The following HOXC9 variants were observed in gnomAD, a reference collection of about 807,000 sequenced individuals.
The protein encoded by HOXC9 is homeobox protein Hox-C9.
A neutral mutation model predicts 20.0 loss-of-function variants in HOXC9; 10 were observed. The ratio of observed to expected loss-of-function variants is 0.50; its 90% CI spans 0.31 to 0.85. The LOEUF (loss-of-function observed/expected upper bound fraction) is 0.85, where lower values mean the gene tolerates loss of function less well. Among genes scored for constraint, HOXC9 ranks in the 40% least tolerant of loss-of-function variants. The probability of loss-of-function intolerance (pLI) is 0.05; values close to 1 mark genes in which losing one functional copy is unlikely to be tolerated. For synonymous variants in HOXC9, 200 were observed against 163.7 expected, an observed-to-expected ratio of 1.22 and a Z score of -1.69; for missense variants, 394 against 376.7, an observed-to-expected ratio of 1.05 and a Z score of -0.38.
Position 54,000,633 on chromosome 12 carries a change from C to G in HOXC9, c.445C>G (p.Leu149Val), listed in dbSNP as rs1180700990. The change falls in exon 1 of 2, where the codon CTG (leucine) becomes GTG (valine). Residue 149 changes from leucine (L) to valine (V), a missense_variant. By Grantham distance (32) the Leu-to-Val change is conservative (BLOSUM62 1). Transcript: ENST00000303450. ...PDYMYGSPGE[L>V]RDRAPQTLPS... ...CTACATGTACGGCTCGCCCGGGGAG[C>G]TGCGCGACCGCGCCCCGCAGACACT... 1 of 1,541,110 alleles carries G rather than the reference C, an allele frequency of 6.5e-7. No homozygotes were observed. The highest frequency in any genetic ancestry group is 1.2e-5 in the South Asian group (1 of 84,638).
At position 54,000,411 on chromosome 12, in the gene HOXC9, G is replaced by A. The variant is rs1202528722; in HGVS notation, c.223G>A (p.Val75Met). ...GGCGCCCGTGCCCTCTCAGTCGTCC[G>A]TGGTATATCACCCGTACGGCCCCCA... Reference protein sequence around the residue: ...SWAPVPSQSSVVYHPYGPQPH... With the variant: ...SWAPVPSQSSMVYHPYGPQPH... The change falls in exon 1 of 2, where the codon GTG becomes ATG. Residue 75 changes from valine (V) to methionine (M), a missense_variant. Coordinates refer to ENST00000303450, the MANE Select transcript of HOXC9 (RefSeq NM_006897.3). 5 of 1,611,878 alleles carry A rather than the reference G, an allele frequency of 3.1e-6. No homozygotes were observed. Among genetic ancestry groups the A allele is most frequent in the Admixed American group, 1.7e-5 (1 of 60,028 alleles).
At chr12:54,000,800 C>T in intron 1 of HOXC9, 74 bp downstream of exon 1, 2 of 1,332,514 alleles carry the variant, frequency 1.5e-6, no homozygotes, top group Non-Finnish European at 2.0e-6. Context: ...AGCCGAATTA[C>T]AGCCCTCCCG....
chr12:54,002,775 A>C lies in HOXC9; in HGVS notation c.*101A>C, dbSNP rs892073945. On this transcript the variant is annotated 3_prime_UTR_variant, in exon 2 of 2. Transcript: ENST00000303450. The stretch of plus-strand genomic sequence containing the variant: ...GGAGAGACGAAAAAGAAAAGGAAAG[A>C]GCAAGATAGACAAAAGCCAATCAGC... 3 of 1,356,188 alleles carry C rather than the reference A, an allele frequency of 2.2e-6. No homozygotes were observed. The African/African-American group carries it at 4.4e-5, about 20-fold the overall frequency. 84.0% of individuals were successfully genotyped at this position (1,356,188 alleles called of 1,614,324 possible).
rs1298707490 is a variant in HOXC9, at chr12:54,000,459, C to G, written c.271C>G (p.Arg91Gly). The G allele has an allele frequency of 3.7e-6, 6 of 1,603,782 alleles. No individual in the cohort carries two copies. Among genetic ancestry groups the G allele is most frequent in the Non-Finnish European group, 5.1e-6 (6 of 1,179,754 alleles). The change falls in exon 1 of 2, where the codon CGC (arginine) becomes GGC (glycine). Residue 91 changes from arginine to glycine, a missense_variant. Physicochemically the swap from Arg to Gly is moderately radical, Grantham distance 125 (BLOSUM62 -2). Coordinates refer to ENST00000303450, the MANE Select transcript of HOXC9 (RefSeq NM_006897.3). ...CCAGCCCCACCTCGGCGCCGACACG[C>G]GCTACATGCGGACTTGGCTCGAGCC... The part of the protein sequence containing the change: ...GPQPHLGADT[R>G]YMRTWLEPLS...
chr12:54,001,949 G>T (rs1939754770), intron 1 of HOXC9, among the ~76,000 whole-genome samples: 1 of 152,110 alleles, frequency 6.6e-6, no homozygotes, highest in African/African-American at 2.4e-5. Flanking sequence ...GCTGCAGAGG[G>T]TGGTGAGGGG....
chr12:54,002,218 TAC>T (rs540447264), intron 1 of HOXC9, among the ~76,000 whole-genome samples: 3 of 152,152 alleles, frequency 2.0e-5, no homozygotes, highest in Non-Finnish European at 4.4e-5. Context: ...TTGGATTTCC[TAC>T]AGTTTTAGGT....
Position 54,002,722 on chromosome 12 carries a change from C to T in HOXC9, c.*48C>T. The T allele has an allele frequency of 6.4e-7, 1 of 1,561,170 alleles. No homozygotes were observed. The highest frequency in any genetic ancestry group is 8.7e-7 in the Non-Finnish European group (1 of 1,153,670). On this transcript the variant is annotated 3_prime_UTR_variant, in exon 2 of 2. Coordinates refer to ENST00000303450, the MANE Select transcript of HOXC9 (RefSeq NM_006897.3). ...AGCACAGCCAAGGGAAAAACAAAAA[C>T]CCCACAAAATACCCCAACACAGGCG...
At position 54,002,473 on chromosome 12, in the gene HOXC9, GAAGCGCTGCCC is replaced by G; in HGVS notation, c.583_593del (p.Lys195LeufsTer26). 26 of 1,614,180 alleles carry G rather than the reference GAAGCGCTGCCC, an allele frequency of 1.6e-5. No homozygotes were observed. Among genetic ancestry groups the G allele is most frequent in the Non-Finnish European group, 2.0e-5 (24 of 1,180,020 alleles). ...GGATTCACGCCCGCTCCACGAGGAA[GAAGCGCTGCCC>G]CTACACCAAGTACCAGACGCTGGAA... On this transcript the variant is annotated frameshift_variant, in exon 2 of 2. Transcript: ENST00000303450. LOFTEE classifies it high-confidence loss of function.
intron 1 of HOXC9, among the ~76,000 whole-genome samples, chr12:54,001,366 G>A (rs1939740064): frequency 6.6e-6 from 1 of 152,022 alleles, no homozygotes. Context: ...GGGTCTTGGA[G>A]GGGAAGGATT....
intron 1 of HOXC9, 31 bp downstream of exon 1, chr12:54,000,757 G>A (rs757700561): frequency 1.4e-6 from 2 of 1,468,298 alleles, no homozygotes; most frequent in East Asian, 5.2e-5. Context: ...CTTTACAACC[G>A]GCGCGGGAGG....
chr12:54,000,743 T>G lies in HOXC9; in HGVS notation c.538+17T>G. 1.3e-6 allele frequency: 2 copies of G among 1,501,096 alleles called. No homozygotes were observed. The highest frequency in any genetic ancestry group is 1.8e-6 in the Non-Finnish European group (2 of 1,132,600). 93.0% of individuals were successfully genotyped at this position (1,501,096 alleles called of 1,614,324 possible). A position where few individuals can be genotyped will look rare whatever the true frequency, so the allele number is the denominator to read the frequency against. On this transcript the variant is annotated intron_variant, in intron 1 of 1. Transcript: ENST00000303450. ...TGGACCCCAGTAAGTTGGGAGCAATTTTCCTTTACAACCGGCGCGGGAGGG... is the reference window on the plus strand; with the variant it reads ...TGGACCCCAGTAAGTTGGGAGCAATGTTCCTTTACAACCGGCGCGGGAGGG...
Position 54,002,354 on chromosome 12 carries a change from A to G in HOXC9, c.539-76A>G, listed in dbSNP as rs117802552. On this transcript the variant is annotated intron_variant, in intron 1 of 1. Coordinates refer to ENST00000303450, the MANE Select transcript of HOXC9 (RefSeq NM_006897.3). Reference sequence around the variant, plus strand: ...TTATTGCATTTGGGGAGCCTGGCTAAGTCTAGGGGTAGAGTAGCAGAAGTC... The same window carrying G: ...TTATTGCATTTGGGGAGCCTGGCTAGGTCTAGGGGTAGAGTAGCAGAAGTC... 12,884 of 1,509,978 alleles carry G rather than the reference A, an allele frequency of 8.5e-3. 70 individuals are homozygous for G. The highest frequency in any genetic ancestry group is 0.01 in the Non-Finnish European group (11,458 of 1,123,454). 93.5% of individuals were successfully genotyped at this position (1,509,978 alleles called of 1,614,324 possible). A position where few individuals can be genotyped will look rare whatever the true frequency, so the allele number is the denominator to read the frequency against.
In HOXC9 at chr12:54,002,437, C is replaced by G. The variant is rs761856848; in HGVS notation, c.546C>G (p.Pro182=). The change falls in exon 2 of 2, where the codon CCC becomes CCG. Residue 182 remains proline (P), a synonymous_variant. Coordinates refer to ENST00000303450, the MANE Select transcript of HOXC9 (RefSeq NM_006897.3). ...EEKADLDPSN[P]VANWIHARST... ...TTGTGTTTGGCCCTCCAGGCAACCC[C>G]GTGGCCAACTGGATTCACGCCCGCT... is the stretch of plus-strand genomic sequence containing the variant. The G allele has an allele frequency of 1.2e-6, 2 of 1,613,562 alleles. No individual in the cohort carries two copies. The highest frequency in any genetic ancestry group is 2.2e-5 in the South Asian group (2 of 91,034).
At chr12:54,002,014 G>T (rs1017692192) in intron 1 of HOXC9, among the ~76,000 whole-genome samples, 1 of 151,970 alleles carries the variant, frequency 6.6e-6, no homozygotes, top group African/African-American at 2.4e-5. Flanking sequence ...GGACTTGGTC[G>T]TGGGCTGGGA....
chr12:54,002,681 C>G lies in HOXC9; in HGVS notation c.*7C>G. ...CGACAAGGAGCAGTCCTAAACCCTA[C>G]CCAGCCTGCTGCCTCAGCACAGCCA... On this transcript the variant is annotated 3_prime_UTR_variant, in exon 2 of 2. Transcript: ENST00000303450. The G allele has an allele frequency of 1.2e-6, 2 of 1,604,198 alleles. No individual in the cohort carries two copies. The highest frequency in any genetic ancestry group is 1.7e-6 in the Non-Finnish European group (2 of 1,172,836).
At chr12:54,001,452 ACACT>A (rs943143552) in intron 1 of HOXC9, among the ~76,000 whole-genome samples, 23 of 150,594 alleles carry the variant, frequency 1.5e-4, no homozygotes, top group East Asian at 3.9e-4. Flanking sequence ...ACACACACAC[ACACT>A]CACTCTCACT....
At position 54,002,708 on chromosome 12, in the gene HOXC9, G is replaced by A. The variant is rs1939774304; in HGVS notation, c.*34G>A. The A allele has an allele frequency of 1.3e-6, 2 of 1,571,960 alleles. No individual in the cohort carries two copies. Among genetic ancestry groups the A allele is most frequent in the Non-Finnish European group, 1.7e-6 (2 of 1,158,866 alleles). ...CAGCCTGCTGCCTCAGCACAGCCAA[G>A]GGAAAAACAAAAACCCCACAAAATA... is the stretch of plus-strand genomic sequence containing the variant. On this transcript the variant is annotated 3_prime_UTR_variant, in exon 2 of 2. Coordinates refer to ENST00000303450, the MANE Select transcript of HOXC9 (RefSeq NM_006897.3).
Position 54,000,649 on chromosome 12 carries a change from C to T in HOXC9, c.461C>T (p.Pro154Leu). Residue 154 changes from proline to leucine, a missense_variant, in exon 1 of 2, where the codon CCG (proline) becomes CTG (leucine). By Grantham distance (98) the Pro-to-Leu change is moderately conservative (BLOSUM62 -3). Coordinates refer to ENST00000303450, the MANE Select transcript of HOXC9 (RefSeq NM_006897.3). ...GSPGELRDRA[P>L]QTLPSPEADA... is the part of the protein sequence containing the mutation. ...CCCGGGGAGCTGCGCGACCGCGCCCCGCAGACACTGCCCTCGCCCGAGGCG... is the reference window on the plus strand; with the variant it reads ...CCCGGGGAGCTGCGCGACCGCGCCCTGCAGACACTGCCCTCGCCCGAGGCG... 1.9e-6 allele frequency: 3 copies of T among 1,555,086 alleles called. No individual in the cohort carries two copies. Among genetic ancestry groups the T allele is most frequent in the Non-Finnish European group, 2.6e-6 (3 of 1,156,368 alleles).
Position 54,000,677 on chromosome 12 carries a change from C to T in HOXC9, c.489C>T (p.Asp163=). The T allele has an allele frequency of 1.9e-6, 3 of 1,562,142 alleles. No individual in the cohort carries two copies. Among genetic ancestry groups the T allele is most frequent in the South Asian group, 1.2e-5 (1 of 85,670 alleles). ...AGACACTGCCCTCGCCCGAGGCGGA[C>T]GCGCTCGCCGGCAGCAAGCACAAAG... ...APQTLPSPEA[D]ALAGSKHKEE... The change falls in exon 1 of 2, where the codon GAC becomes GAT. Residue 163 remains aspartate, a synonymous_variant. Transcript: ENST00000303450.
Sources: allele counts gnomAD v4.1 joint callset (sites outside exome capture counted in the v4.1 genomes callset), GRCh38; gene constraint gnomAD v4.1.1; transcripts MANE v1.5; gene names NCBI Gene and HGNC (gene_info 2026-07-23, HGNC 2026-07-21).